The following PLCH1 variants were observed in gnomAD, a reference collection of about 807,000 sequenced individuals.
PLCH1 encodes the protein 1-phosphatidylinositol 4,5-bisphosphate phosphodiesterase eta-1.
A neutral mutation model predicts 126.7 loss-of-function variants in PLCH1; 60 were observed. The ratio of observed to expected loss-of-function variants is 0.47; its 90% CI spans 0.38 to 0.59. The LOEUF (loss-of-function observed/expected upper bound fraction) is 0.59, where lower values mean the gene tolerates loss of function less well. PLCH1 is among the 20% of genes least tolerant of loss of function. The pLI is 0.00. For synonymous variants in PLCH1, 719 were observed against 734.9 expected (o/e 0.98, Z 0.35); for missense variants, 1,723 against 2,040.0 (o/e 0.84, Z 2.99).
At chr3:155,690,362 T>C (rs192831675) in intron 2 of PLCH1, among the ~76,000 whole-genome samples, 3 of 152,348 alleles carry the variant, frequency 2.0e-5, no homozygotes, top group East Asian at 3.9e-4. Context: ...GATGCACAAA[T>C]GTACATGCAT....
chr3:155,722,316 C>T (rs950880141), intron 1 of PLCH1, among the ~76,000 whole-genome samples: 1 of 151,998 alleles, frequency 6.6e-6, no homozygotes, highest in African/African-American at 2.4e-5. Context: ...GCACGCACCA[C>T]CACGCCCAGC....
chr3:155,660,938 G>A (rs1459622753), intron 2 of PLCH1, among the ~76,000 whole-genome samples: 1 of 152,120 alleles, frequency 6.6e-6, no homozygotes, highest in Non-Finnish European at 1.5e-5. Flanking sequence ...CCATATAGCT[G>A]AAATACCTAT....
intron 2 of PLCH1, among the ~76,000 whole-genome samples, chr3:155,691,487 G>T (rs529786365): frequency 3.3e-5 from 5 of 152,276 alleles, no homozygotes; most frequent in African/African-American, 1.2e-4. Context: ...GAGAAGGCAA[G>T]GTTTCTTCTT....
chr3:155,716,032 C>T (rs974634776), intron 1 of PLCH1, among the ~76,000 whole-genome samples: 1 of 152,118 alleles, frequency 6.6e-6, no homozygotes, highest in African/African-American at 2.4e-5. Flanking sequence ...AGCTACTTCC[C>T]CAACCCCCAA....
In PLCH1 at chr3:155,704,370, C is replaced by T. The variant is rs566387795; in HGVS notation, c.-40-106G>A. 3.5e-5 allele frequency: 14 copies of T among 396,808 alleles called. No homozygotes were observed. In the South Asian group the frequency reaches 8.5e-4, roughly 24 times the overall value. 24.6% of individuals were successfully genotyped at this position (396,808 alleles called of 1,614,324 possible). A position where few individuals can be genotyped will look rare whatever the true frequency, so the allele number is the denominator to read the frequency against. ...GCCCAGCATTACGGGGCAACATATA[C>T]GGCATACAACTTCTCCACACATGGA... On this transcript the variant is annotated intron_variant, in intron 1 of 22. Coordinates refer to ENST00000460012, the MANE Select transcript of PLCH1 (RefSeq NM_014996.4).
intron 2 of PLCH1, among the ~76,000 whole-genome samples, chr3:155,689,237 A>C (rs951662355): frequency 6.6e-6 from 1 of 152,180 alleles, no homozygotes; most frequent in Non-Finnish European, 1.5e-5. Flanking sequence ...TACGAGTCTG[A>C]AAAAAACACA....
chr3:155,532,232 T>C (rs1328901269), intron 10 of PLCH1, among the ~76,000 whole-genome samples: 2 of 152,164 alleles, frequency 1.3e-5, no homozygotes, highest in African/African-American at 2.4e-5. Context: ...ATGTGAAGAC[T>C]CGCATCGTGA....
intron 2 of PLCH1, among the ~76,000 whole-genome samples, chr3:155,599,935 T>C (rs1000703697): frequency 6.6e-6 from 1 of 152,214 alleles, no homozygotes; most frequent in African/African-American, 2.4e-5. Context: ...TGTTTTAGCA[T>C]AAAATCATAT....
intron 2 of PLCH1, among the ~76,000 whole-genome samples, chr3:155,596,770 T>G (rs1363766617): frequency 6.6e-6 from 1 of 152,192 alleles, no homozygotes. Flanking sequence ...ATAATAATGC[T>G]TTAAATGCAA....
At chr3:155,575,835 G>A (rs1222486710) in intron 6 of PLCH1, among the ~76,000 whole-genome samples, 2 of 151,940 alleles carry the variant, frequency 1.3e-5, no homozygotes, top group Admixed American at 6.6e-5. Flanking sequence ...TTTTGTTTAA[G>A]AGAAGGGGTC....
At chr3:155,503,968 G>C (rs1718287533) in intron 13 of PLCH1, among the ~76,000 whole-genome samples, 1 of 152,238 alleles carries the variant, frequency 6.6e-6, no homozygotes, top group African/African-American at 2.4e-5. Context: ...AGTAGTGTTT[G>C]AGAATTCAAC....
At chr3:155,695,251 G>A (rs143789590) in intron 2 of PLCH1, among the ~76,000 whole-genome samples, 1 of 152,278 alleles carries the variant, frequency 6.6e-6, no homozygotes, top group East Asian at 1.9e-4. Context: ...AAATGGTTTT[G>A]TCCTTGCCCA....
intron 1 of PLCH1, among the ~76,000 whole-genome samples, chr3:155,716,273 C>T (rs358722): frequency 0.47 from 71,184 of 152,064 alleles, 19,386 homozygotes; most frequent in African/African-American, 0.74. Context: ...AGGTCACTTT[C>T]CATAAATGTT....
At chr3:155,542,612 A>G (rs959544819) in intron 10 of PLCH1, among the ~76,000 whole-genome samples, 16 of 152,208 alleles carry the variant, frequency 1.1e-4, no homozygotes, top group South Asian at 1.0e-3. Context: ...CCTGACCCCC[A>G]AGCAGCCTAA....
chr3:155,634,843 G>C (rs986869604), intron 2 of PLCH1, among the ~76,000 whole-genome samples: 1 of 152,226 alleles, frequency 6.6e-6, no homozygotes, highest in Admixed American at 6.5e-5. Context: ...ACAGAGTGGA[G>C]GACTGGATAC....
chr3:155,707,693 A>C (rs558833478), intron 1 of PLCH1, among the ~76,000 whole-genome samples: 141 of 152,014 alleles, frequency 9.3e-4, no homozygotes, highest in Non-Finnish European at 1.3e-3. Context: ...GATAATAGAT[A>C]ATTATTATTT....
At chr3:155,690,122 C>A (rs1577324394) in intron 2 of PLCH1, among the ~76,000 whole-genome samples, 1 of 151,410 alleles carries the variant, frequency 6.6e-6, no homozygotes, top group African/African-American at 2.4e-5. Context: ...GGGAACCTTA[C>A]AAGCCAGGAG....
intron 1 of PLCH1, among the ~76,000 whole-genome samples, chr3:155,725,984 G>A (rs1211389880): frequency 2.0e-5 from 3 of 151,874 alleles, no homozygotes; most frequent in Non-Finnish European, 2.9e-5. Flanking sequence ...ATTTTTAGTA[G>A]TTGCCCTAGA....
intron 21 of PLCH1, among the ~76,000 whole-genome samples, chr3:155,469,156 C>T (rs1208601259): frequency 6.6e-6 from 1 of 152,208 alleles, no homozygotes; most frequent in Non-Finnish European, 1.5e-5. Context: ...GCATTTCCAT[C>T]TGAGGTACCG....
Sources: gnomAD v4.1 joint callset for allele counts (sites outside exome capture counted in the v4.1 genomes callset) on GRCh38, gnomAD v4.1.1 for gene constraint, MANE v1.5 for transcripts, NCBI Gene and HGNC (gene_info 2026-07-23, HGNC 2026-07-21) for gene names.